The following MIB1 variants were observed in gnomAD, a reference collection of about 807,000 sequenced individuals.
The protein encoded by MIB1 is MIB E3 ubiquitin protein ligase 1.
Under a neutral mutation model 124.5 loss-of-function variants are expected in MIB1, and 278 were observed. That is an observed-to-expected ratio of 2.23 (90% CI 2.02 to 2.47). The LOEUF (loss-of-function observed/expected upper bound fraction) is 2.47. Ranked by LOEUF, MIB1 falls within the 30% of genes most tolerant of loss-of-function variation. The pLI is 0.00. For synonymous variants in MIB1, 446 were observed against 429.4 expected (o/e 1.04, Z -0.48); for missense variants, 957 against 1,254.4 (o/e 0.76, Z 3.58).
chr18:21,820,895 T>C (rs967017155), intron 12 of MIB1, among the ~76,000 whole-genome samples: 2 of 152,260 alleles, frequency 1.3e-5, no homozygotes, highest in African/African-American at 4.8e-5. Flanking sequence ...GAATCATAAC[T>C]GTTAAACCAC....
intron 1 of MIB1, among the ~76,000 whole-genome samples, chr18:21,735,526 C>T (rs935291625): frequency 6.6e-6 from 1 of 151,548 alleles, no homozygotes; most frequent in Non-Finnish European, 1.5e-5. Context: ...CAAGACAGAA[C>T]CGTTCACTCG....
In MIB1 at chr18:21,870,112, C is replaced by G. The variant is rs2042345310; in HGVS notation, c.*5446C>G. On this transcript the variant is annotated 3_prime_UTR_variant, in exon 21 of 21. Transcript: ENST00000261537. ...TTTGTTAAAGAATGCTTAGTAAGAGCTAAGCTTTTAAAAGTAATGCAAACA... is the reference window on the plus strand; with the variant it reads ...TTTGTTAAAGAATGCTTAGTAAGAGGTAAGCTTTTAAAAGTAATGCAAACA... 1 of 152,462 alleles carries G rather than the reference C, an allele frequency of 6.6e-6. No homozygotes were observed. 9.4% of individuals were successfully genotyped at this position (152,462 alleles called of 1,614,324 possible).
chr18:21,787,491 G>A (rs1283054156), intron 6 of MIB1, among the ~76,000 whole-genome samples: 1 of 152,118 alleles, frequency 6.6e-6, no homozygotes, highest in African/African-American at 2.4e-5. Flanking sequence ...GTGGATTGAG[G>A]CAGGAATGAT....
At chr18:21,705,554 GA>G (rs1014585168) in intron 1 of MIB1, among the ~76,000 whole-genome samples, 1 of 152 alleles carries the variant, frequency 6.6e-3, no homozygotes, top group African/African-American at 0.024. Flanking sequence ...GAAATGGTTA[GA>G]ATTTAATAGC....
chr18:21,757,179 C>T (rs1215274291), intron 1 of MIB1, among the ~76,000 whole-genome samples: 2 of 151,714 alleles, frequency 1.3e-5, no homozygotes, highest in African/African-American at 4.8e-5. Flanking sequence ...TTAGGCCATG[C>T]GGTGGCTCAC....
At chr18:21,821,545 G>T (rs1337641460) in intron 12 of MIB1, among the ~76,000 whole-genome samples, 1 of 151,234 alleles carries the variant, frequency 6.6e-6, no homozygotes, top group African/African-American at 2.4e-5. Flanking sequence ...GTCATCACTG[G>T]AATTATTTTG....
chr18:21,803,124 A>C (rs1274917048), intron 9 of MIB1, among the ~76,000 whole-genome samples: 1 of 152,098 alleles, frequency 6.6e-6, no homozygotes, highest in Non-Finnish European at 1.5e-5. Flanking sequence ...CTCTTTCACA[A>C]ATGTGTTACT....
chr18:21,791,548 G>A lies in MIB1; in HGVS notation c.1083G>A (p.Ala361=), dbSNP rs761958763. 5.0e-6 allele frequency: 8 copies of A among 1,610,504 alleles called. No homozygotes were observed. Among genetic ancestry groups the A allele is most frequent in the African/African-American group, 2.7e-5 (2 of 74,968 alleles). ...GAGGACATGGAGAATGGGCTGAAGC[G>A]ATGCTTCCAGTAAGTATGTTTAGAA... The part of the protein sequence containing the change: ...LQRGHGEWAE[A]MLPTLGKVGR... The change falls in exon 7 of 21, where the codon GCG becomes GCA. Residue 361 remains alanine, a synonymous_variant. Transcript: ENST00000261537.
chr18:21,843,645 A>G (rs918733469), intron 14 of MIB1, among the ~76,000 whole-genome samples: 1 of 152,232 alleles, frequency 6.6e-6, no homozygotes, highest in Non-Finnish European at 1.5e-5. Flanking sequence ...TCATGACCAT[A>G]CATTTGGAGA....
chr18:21,794,272 A>G (rs963375704), intron 7 of MIB1: 1 of 152,222 alleles, frequency 6.6e-6, no homozygotes, highest in Non-Finnish European at 1.5e-5. Flanking sequence ...ATAATTAAAA[A>G]GAAGTGAAAA....
intron 12 of MIB1, chr18:21,828,989 C>T (rs9989532): frequency 0.97 from 455,856 of 470,990 alleles, 220,888 homozygotes; most frequent in Admixed American, 0.98. Flanking sequence ...TTTAATTCTC[C>T]CTTGGTGGTT....
At chr18:21,722,599 G>C (rs2040720664) in intron 1 of MIB1, among the ~76,000 whole-genome samples, 1 of 151,788 alleles carries the variant, frequency 6.6e-6, no homozygotes, top group South Asian at 2.1e-4. Context: ...TTGAACTCCA[G>C]ACCTCGTGAT....
chr18:21,814,044 G>A (rs761381090), intron 10 of MIB1, among the ~76,000 whole-genome samples: 24 of 152,086 alleles, frequency 1.6e-4, no homozygotes, highest in Non-Finnish European at 1.8e-4. Context: ...TACCTTCATG[G>A]CGCAGTGCAG....
rs1200998779 is a variant in MIB1 at position 21,741,450 on chromosome 18, C to A, written c.-134C>A. The A allele has an allele frequency of 6.9e-6, 3 of 433,686 alleles. No homozygotes were observed. The East Asian group carries it at 1.5e-4, about 22-fold the overall frequency. 26.9% of individuals were successfully genotyped at this position (433,686 alleles called of 1,614,324 possible). On this transcript the variant is annotated 5_prime_UTR_variant, in exon 1 of 21. Transcript: ENST00000261537. The surrounding 1 kb of genome is among the most constrained non-coding windows in gnomAD (Gnocchi z 5.4). Reference sequence around the variant, plus strand: ...CGCGCCGCCGCCCCCGTGAGTTATTCTCACGTCCCCCGGGGCTCGCTGCCG... The same window carrying A: ...CGCGCCGCCGCCCCCGTGAGTTATTATCACGTCCCCCGGGGCTCGCTGCCG...
At chr18:21,725,461 T>TA (rs1309552861) in intron 1 of MIB1, among the ~76,000 whole-genome samples, 4 of 152,188 alleles carry the variant, frequency 2.6e-5, no homozygotes, top group Admixed American at 2.6e-4. Flanking sequence ...CTGTACTGTT[T>TA]AGACTTACCA....
chr18:21,826,857 G>A (rs1325917079), intron 12 of MIB1: 1 of 152,108 alleles, frequency 6.6e-6, no homozygotes, highest in African/African-American at 2.4e-5. Flanking sequence ...TTCTGCGTCT[G>A]TTGGTTGGTA....
At position 21,779,535 on chromosome 18, in the gene MIB1, A is replaced by G. The variant is rs730880134; in HGVS notation, c.758A>G (p.Asn253Ser). Reference protein sequence around the residue: ...PGGLQIGDLVNIDLDLEIVQS... With the variant: ...PGGLQIGDLVSIDLDLEIVQS... The stretch of plus-strand genomic sequence containing the variant: ...GGATTGCAGATTGGTGACCTGGTAA[A>G]TATAGATCTCGACCTCGAAATTGTA... The change falls in exon 6 of 21, where the codon AAT (asparagine) becomes AGT (serine). Residue 253 changes from asparagine to serine, a missense_variant. Coordinates refer to ENST00000261537, the MANE Select transcript of MIB1 (RefSeq NM_020774.4). 7 of 1,614,012 alleles carry G rather than the reference A, an allele frequency of 4.3e-6. No homozygotes were observed. The highest frequency in any genetic ancestry group is 5.1e-6 in the Non-Finnish European group (6 of 1,180,012).
intron 5 of MIB1, 131 bp from the exon 6 acceptor site, chr18:21,779,350 G>T: frequency 2.9e-6 from 2 of 693,976 alleles, no homozygotes; most frequent in Non-Finnish European, 2.5e-6. Flanking sequence ...TACTTATAGG[G>T]AATTCTCAAG....
chr18:21,785,661 A>G (rs1387294685), intron 6 of MIB1, among the ~76,000 whole-genome samples: 3 of 152,146 alleles, frequency 2.0e-5, no homozygotes, highest in Non-Finnish European at 4.4e-5. Context: ...TAATTGTAGT[A>G]TTAAGAGTAT....
Sources: gnomAD v4.1 joint callset for allele counts (sites outside exome capture counted in the v4.1 genomes callset) on GRCh38, gnomAD v4.1.1 for gene constraint, Gnocchi (gnomAD v3.1) non-coding constraint, MANE v1.5 for transcripts, NCBI Gene and HGNC (gene_info 2026-07-23, HGNC 2026-07-21) for gene names.